Variants in DNAH17 observed in about 807,000 individuals in gnomAD.
The protein encoded by DNAH17 is axonemal beta dynein heavy chain 17.
DNAH17 carries 376 observed loss-of-function variants against 485.6 expected under a neutral mutation model. The observed-to-expected ratio is 0.77, with a 90% CI of 0.71 to 0.84. DNAH17 has a LOEUF of 0.84. DNAH17 is among the 40% of genes least tolerant of loss of function. The pLI, the probability that DNAH17 is intolerant of heterozygous loss-of-function variation, is 0.00. For synonymous variants in DNAH17, 3,031 were observed against 2,405.9 expected (o/e 1.26, Z -7.60); for missense variants, 6,370 against 5,839.3 (o/e 1.09, Z -2.96).
rs61738719 is a variant in DNAH17, at chr17:78,532,629, C to T, written c.2967G>A (p.Arg989=). The T allele has an allele frequency of 2.5e-4, 408 of 1,602,720 alleles. 2 individuals are homozygous for T. In the African/African-American group the frequency reaches 5.1e-3, roughly 20 times the overall value. The change falls in exon 20 of 81, where the codon AGG becomes AGA. Residue 989 remains arginine (R), a synonymous_variant. Coordinates refer to ENST00000389840, the MANE Select transcript of DNAH17 (RefSeq NM_173628.4). The stretch of plus-strand genomic sequence containing the variant: ...GGTTGTCCGTCCAGAGGTAGGAGTA[C>T]CTCTCAAAGGAATCCTGGTACTCCT... ...EAEEYQDSFE[R]YSYLWTDNLQ...
In DNAH17 at chr17:78,524,414, A is replaced by C. The variant is rs575646973; in HGVS notation, c.3864+595T>G. 1.5e-3 allele frequency among the ~76,000 whole-genome samples: 225 copies of C among 152,288 alleles called. 2 individuals carry two copies. The highest frequency in any genetic ancestry group is 5.3e-3 in the African/African-American group (220 of 41,552). ...CGGCCTCCCAAAGTGCTGAGATTACAGGCATGAGCCACCACACCGGGCCTG... is the reference window on the plus strand; with the variant it reads ...CGGCCTCCCAAAGTGCTGAGATTACCGGCATGAGCCACCACACCGGGCCTG... On this transcript the variant is annotated intron_variant, in intron 25 of 80. Coordinates refer to ENST00000389840, the MANE Select transcript of DNAH17 (RefSeq NM_173628.4).
chr17:78,425,806 C>T (rs1307167505), intron 79 of DNAH17, among the ~76,000 whole-genome samples: 1 of 141,168 alleles, frequency 7.1e-6, no homozygotes, highest in Non-Finnish European at 1.5e-5. Context: ...CGCTCTGTCA[C>T]CCAGGCTGGA....
At chr17:78,565,981 AAAC>A (rs935169440) in intron 11 of DNAH17, among the ~76,000 whole-genome samples, 31 of 152,028 alleles carry the variant, frequency 2.0e-4, no homozygotes, top group African/African-American at 6.8e-4. Flanking sequence ...AAACAAAACA[AAAC>A]AAAAAACAAA....
intron 56 of DNAH17, among the ~76,000 whole-genome samples, 176 bp from the exon 57 acceptor site, chr17:78,463,253 G>T (rs1445415153): frequency 6.6e-6 from 1 of 152,182 alleles, no homozygotes; most frequent in Admixed American, 6.5e-5. Flanking sequence ...GCCCTTGTGA[G>T]CACTGCACCA....
Position 78,453,744 on chromosome 17 carries a change from G to C in DNAH17, c.10407-279C>G, listed in dbSNP as rs1310487944. ...ATTCTCTGGCCCAGGCTGGAGTGCAGTGGCATGAGCAGGGTTCACTGCAAC... is the reference window on the plus strand; with the variant it reads ...ATTCTCTGGCCCAGGCTGGAGTGCACTGGCATGAGCAGGGTTCACTGCAAC... On this transcript the variant is annotated intron_variant, in intron 64 of 80. Coordinates refer to ENST00000389840, the MANE Select transcript of DNAH17 (RefSeq NM_173628.4). Among the ~76,000 whole-genome samples, 3 of 152,372 alleles carry C rather than the reference G, an allele frequency of 2.0e-5. No individual in the cohort carries two copies. In the East Asian group the frequency reaches 5.8e-4, roughly 29 times the overall value.
chr17:78,480,052 A>AGG (rs1477638072), intron 49 of DNAH17, among the ~76,000 whole-genome samples: 1 of 81,226 alleles, frequency 1.2e-5, no homozygotes, highest in African/African-American at 3.6e-5. Context: ...TTTTTTTTAA[A>AGG]AAAAGTATGT....
At position 78,450,795 on chromosome 17, in the gene DNAH17, C is replaced by T. The variant is rs763291136; in HGVS notation, c.10786G>A (p.Glu3596Lys). Residue 3596 changes from glutamate (E) to lysine (K), a missense_variant, in exon 67 of 81, where the codon GAA becomes AAA. By Grantham distance (56) the Glu-to-Lys change is moderately conservative. Transcript: ENST00000389840. The part of the protein sequence containing the change: ...NEFKIVLKEL[E>K]DSLLARLSAA... ...GACAGACGGGCCAGGAGCGAATCTT[C>T]CAGCTCTTTCAGAACAATCTTAAAT... 1 of 1,614,046 alleles carries T rather than the reference C, an allele frequency of 6.2e-7. No homozygotes were observed. The highest frequency in any genetic ancestry group is 2.2e-5 in the East Asian group (1 of 44,894).
chr17:78,498,866 G>A, intron 37 of DNAH17, 142 bp downstream of exon 37: 2 of 557,228 alleles, frequency 3.6e-6, no homozygotes, highest in Non-Finnish European at 6.1e-6. Context: ...TGGAGGGCAA[G>A]AGCTCAATGG....
Position 78,532,724 on chromosome 17 carries a change from C to A in DNAH17, c.2872G>T (p.Asp958Tyr). Residue 958 changes from aspartate to tyrosine, a missense_variant, in exon 20 of 81, where the codon GAT (aspartate) becomes TAT (tyrosine). Transcript: ENST00000389840. ...DRMNYKMDLE[D>Y]NTDLIEMREE... is the part of the protein sequence containing the mutation. ...CTCATCTCTATGAGGTCTGTGTTAT[C>A]TTCCAGGTCCATCTGAAAGGGGCAG... 1 of 1,591,566 alleles carries A rather than the reference C, an allele frequency of 6.3e-7. No homozygotes were observed. The highest frequency in any genetic ancestry group is 8.6e-7 in the Non-Finnish European group (1 of 1,167,472).
rs113569271 is a variant in DNAH17 at position 78,566,570 on chromosome 17, A to G, written c.1569+44T>C. The G allele has an allele frequency of 3.7e-3, 5,070 of 1,368,998 alleles. 147 individuals carry two copies. The African/African-American group carries it at 0.061, about 17-fold the overall frequency. The allele number at this position is 1,368,998 out of a possible 1,614,324, so 84.8% of individuals were successfully genotyped here. A position where few individuals can be genotyped will look rare whatever the true frequency, so the allele number is the denominator to read the frequency against. On this transcript the variant is annotated intron_variant, in intron 11 of 80. Transcript: ENST00000389840. ...GTTCTCGACATGAATCCACCACCAC[A>G]GTGCCAGGCTCCAGATCTGCCTGCG...
intron 19 of DNAH17, among the ~76,000 whole-genome samples, chr17:78,535,964 C>T (rs1317692913): frequency 1.3e-5 from 2 of 152,008 alleles, no homozygotes; most frequent in East Asian, 3.9e-4. Context: ...ACAAACACAC[C>T]ACCTCAAACC....
chr17:78,490,570 GGTGCCTGGTGA>G, intron 44 of DNAH17, 118 bp downstream of exon 44: 1 of 1,321,576 alleles, frequency 7.6e-7, no homozygotes, highest in Non-Finnish European at 1.0e-6. Context: ...CTGTGACACT[GGTGCCTGGTGA>G]GGGCCTGATA....
intron 71 of DNAH17, among the ~76,000 whole-genome samples, chr17:78,441,688 C>A (rs781740174): frequency 1.3e-5 from 2 of 152,264 alleles, no homozygotes; most frequent in East Asian, 3.9e-4. Flanking sequence ...CATGGAGGAC[C>A]GAGTGATGTT....
chr17:78,491,484 T>A lies in DNAH17; in HGVS notation c.6628A>T (p.Met2210Leu). ...WIILDGDIDP[M>L]WIESLNTVMD... ...ACTGTGTTGAGAGACTCGATCCACA[T>A]GGGGTCTATGTCTCCGTCAAGGATG... Residue 2210 changes from methionine to leucine, a missense_variant, in exon 43 of 81, where the codon ATG (methionine) becomes TTG (leucine). Transcript: ENST00000389840. The A allele has an allele frequency of 1.2e-6, 2 of 1,613,518 alleles. No individual in the cohort carries two copies. Among genetic ancestry groups the A allele is most frequent in the Non-Finnish European group, 1.7e-6 (2 of 1,179,768 alleles).
At chr17:78,503,920 C>T (rs1185006754) in intron 31 of DNAH17, among the ~76,000 whole-genome samples, 1 of 151,136 alleles carries the variant, frequency 6.6e-6, no homozygotes, top group Non-Finnish European at 1.5e-5. Context: ...GAGCCAAGAT[C>T]GTGCCATTGC....
chr17:78,445,837 C>T (rs1206630109), intron 69 of DNAH17, among the ~76,000 whole-genome samples, 157 bp from the exon 70 acceptor site: 1 of 152,180 alleles, frequency 6.6e-6, no homozygotes, highest in East Asian at 1.9e-4. Flanking sequence ...GTCTTCACCT[C>T]GTCTCGCTTT....
At chr17:78,571,450 G>A in intron 4 of DNAH17, 72 bp from the exon 5 acceptor site, 3 of 1,486,680 alleles carry the variant, frequency 2.0e-6, no homozygotes, top group Non-Finnish European at 2.8e-6. Context: ...CTGACCTTGT[G>A]GCTGGCTGGA....
chr17:78,452,272 C>T (rs1263498559), intron 65 of DNAH17, among the ~76,000 whole-genome samples: 1 of 152,122 alleles, frequency 6.6e-6, no homozygotes, highest in African/African-American at 2.4e-5. Flanking sequence ...CTGACATTTA[C>T]ATTTTTAAAG....
At chr17:78,434,329 G>C in intron 74 of DNAH17, 109 bp from the exon 75 acceptor site, 1 of 1,010,898 alleles carries the variant, frequency 9.9e-7, no homozygotes, top group Non-Finnish European at 1.4e-6. Context: ...TGCTAGGGTG[G>C]GGGCGGTGGG....
Sources: gnomAD v4.1 joint callset for allele counts (sites outside exome capture counted in the v4.1 genomes callset) on GRCh38, gnomAD v4.1.1 for gene constraint, MANE v1.5 for transcripts, NCBI Gene and HGNC (gene_info 2026-07-23, HGNC 2026-07-21) for gene names.